Variants in SOX5 observed in about 807,000 individuals in gnomAD.
SOX5 encodes transcription factor SOX-5.
A neutral mutation model predicts 92.0 loss-of-function variants in SOX5; 9 were observed. The observed-to-expected ratio is 0.10, with a 90% CI of 0.06 to 0.17. SOX5 has a LOEUF of 0.17. Among genes scored for constraint, SOX5 ranks in the 10% least tolerant of loss-of-function variants. The pLI, the probability that SOX5 is intolerant of heterozygous loss-of-function variation, is 1.00. For missense variants in SOX5, 642 were observed against 944.5 expected (o/e 0.68, Z 4.20); for synonymous variants, 344 against 336.3 (o/e 1.02, Z -0.25).
chr12:23,570,910 CAAAAA>C (rs148593886), intron 10 of SOX5, among the ~76,000 whole-genome samples: 152 of 8,108 alleles, frequency 0.019, no homozygotes, highest in East Asian at 0.042. Context: ...GACTCCAACT[CAAAAA>C]AAAAAAAAAA....
At position 23,534,045 on chromosome 12, in the gene SOX5, T is replaced by A. The variant is rs1245723098; in HGVS notation, c.*174A>T. On this transcript the variant is annotated 3_prime_UTR_variant, in exon 15 of 15. Coordinates refer to ENST00000451604, the MANE Select transcript of SOX5 (RefSeq NM_006940.6). ...GTTTGCTTGTTGTATTTGTTTTTTCTTTCCAAGCCTTTTGAGGCTGAGGTC... is the reference window on the plus strand; with the variant it reads ...GTTTGCTTGTTGTATTTGTTTTTTCATTCCAAGCCTTTTGAGGCTGAGGTC... 1.1e-5 allele frequency: 6 copies of A among 569,704 alleles called. No individual in the cohort carries two copies. The highest frequency in any genetic ancestry group is 1.9e-5 in the Non-Finnish European group (6 of 321,602). 35.3% of individuals were successfully genotyped at this position (569,704 alleles called of 1,614,324 possible).
At chr12:23,559,456 A>G (rs1052373474) in intron 11 of SOX5, among the ~76,000 whole-genome samples, 1 of 152,202 alleles carries the variant, frequency 6.6e-6, no homozygotes, top group Non-Finnish European at 1.5e-5. Flanking sequence ...GGGTATGATG[A>G]AACACTTCCA....
At chr12:24,330,327 C>T (rs1951162319) in intron 2 of SOX5, among the ~76,000 whole-genome samples, 1 of 151,956 alleles carries the variant, frequency 6.6e-6, no homozygotes, top group Admixed American at 6.6e-5. Context: ...ACAGGTATAC[C>T]TAAAAGAAAT....
intron 2 of SOX5, among the ~76,000 whole-genome samples, chr12:23,847,128 G>C (rs1689898497): frequency 6.6e-6 from 1 of 151,960 alleles, no homozygotes; most frequent in Non-Finnish European, 1.5e-5. Flanking sequence ...ATAATGAAAT[G>C]ATAAAGAAAA....
At chr12:24,191,562 T>C (rs548749915) in intron 4 of SOX5, among the ~76,000 whole-genome samples, 13 of 152,330 alleles carry the variant, frequency 8.5e-5, no homozygotes, top group Non-Finnish European at 1.6e-4. Flanking sequence ...TCTGACCAGA[T>C]ACGTTCCTAC....
intron 10 of SOX5, among the ~76,000 whole-genome samples, chr12:23,573,399 G>C (rs1481824131): frequency 2.6e-5 from 4 of 152,048 alleles, no homozygotes; most frequent in Non-Finnish European, 4.4e-5. Flanking sequence ...CAAATCCTAA[G>C]GCTCTTATTC....
intron 3 of SOX5, among the ~76,000 whole-genome samples, chr12:23,792,911 C>T (rs1475980781): frequency 6.6e-6 from 1 of 152,058 alleles, no homozygotes; most frequent in South Asian, 2.1e-4. Flanking sequence ...CTTCTGTTCT[C>T]TGTCACTAAG....
chr12:24,157,718 T>C (rs1952337017), intron 4 of SOX5, among the ~76,000 whole-genome samples: 1 of 152,098 alleles, frequency 6.6e-6, no homozygotes, highest in African/African-American at 2.4e-5. Context: ...GATAAATAAA[T>C]TAGTCAGCTA....
At chr12:24,257,976 C>T (rs1212487899) in intron 3 of SOX5, among the ~76,000 whole-genome samples, 2 of 151,954 alleles carry the variant, frequency 1.3e-5, no homozygotes, top group Admixed American at 6.5e-5. Context: ...AGATCAAGAC[C>T]ATCCTGGCTA....
At chr12:24,045,497 A>T (rs369980236) in intron 4 of SOX5, among the ~76,000 whole-genome samples, 2 of 152,132 alleles carry the variant, frequency 1.3e-5, no homozygotes, top group African/African-American at 4.8e-5. Context: ...TGGGGGTCTT[A>T]CTATGTTGCC....
At chr12:23,894,331 G>A (rs572058690) in intron 2 of SOX5, among the ~76,000 whole-genome samples, 12 of 152,182 alleles carry the variant, frequency 7.9e-5, no homozygotes, top group South Asian at 2.1e-4. Context: ...GGGTTCAAGC[G>A]ATTCTCCTGC....
chr12:24,031,902 A>C (rs1300227926), intron 4 of SOX5, among the ~76,000 whole-genome samples: 1 of 151,938 alleles, frequency 6.6e-6, no homozygotes, highest in Non-Finnish European at 1.5e-5. Context: ...GAGAATGGAA[A>C]TAGAAAAAAA....
At chr12:23,624,471 G>C (rs999909756) in intron 8 of SOX5, among the ~76,000 whole-genome samples, 17 of 152,244 alleles carry the variant, frequency 1.1e-4, no homozygotes, top group African/African-American at 4.1e-4. Flanking sequence ...GCAAAATAAG[G>C]TGAGGAGTAA....
At chr12:23,935,383 T>G (rs554890552) in intron 1 of SOX5, among the ~76,000 whole-genome samples, 2 of 151,416 alleles carry the variant, frequency 1.3e-5, no homozygotes, top group South Asian at 4.1e-4. Context: ...ACTTAAGAAT[T>G]ACTATACTGT....
chr12:24,519,867 G>A (rs913582521), intron 1 of SOX5, among the ~76,000 whole-genome samples: 1 of 152,032 alleles, frequency 6.6e-6, no homozygotes, highest in South Asian at 2.1e-4. Context: ...CAGAAAACTA[G>A]ACTGAGGCAC....
At chr12:23,659,391 G>A (rs772332024) in intron 7 of SOX5, among the ~76,000 whole-genome samples, 2 of 152,164 alleles carry the variant, frequency 1.3e-5, no homozygotes, top group African/African-American at 4.8e-5. Context: ...TCAGAAAACC[G>A]ATGAAGAGTA....
intron 3 of SOX5, among the ~76,000 whole-genome samples, chr12:23,830,490 T>G (rs1251451869): frequency 1.3e-5 from 2 of 152,186 alleles, no homozygotes; most frequent in Non-Finnish European, 2.9e-5. Flanking sequence ...TTGTTTGTCC[T>G]TCAGTGGAAC....
At chr12:24,441,815 T>C (rs984856245) in intron 1 of SOX5, among the ~76,000 whole-genome samples, 1 of 152,202 alleles carries the variant, frequency 6.6e-6, no homozygotes, top group African/African-American at 2.4e-5. Flanking sequence ...GGAGAGATAC[T>C]AACCCAGTCT....
intron 2 of SOX5, among the ~76,000 whole-genome samples, chr12:24,332,984 T>C (rs1951496621): frequency 6.6e-6 from 1 of 152,084 alleles, no homozygotes; most frequent in Admixed American, 6.6e-5. Context: ...TTATCTATGA[T>C]TGGTTTACCA....
Sources: allele counts gnomAD v4.1 joint callset (sites outside exome capture counted in the v4.1 genomes callset), GRCh38; gene constraint gnomAD v4.1.1; transcripts MANE v1.5; gene names NCBI Gene and HGNC (gene_info 2026-07-23, HGNC 2026-07-21).